PDGFC: variants seen among roughly 807,000 people sequenced by gnomAD.
PDGFC encodes platelet-derived growth factor C.
Under a neutral mutation model 35.5 loss-of-function variants are expected in PDGFC, and 12 were observed. The observed-to-expected ratio is 0.34, with a 90% CI of 0.22 to 0.55. The LOEUF (loss-of-function observed/expected upper bound fraction) is 0.55, where lower values mean the gene tolerates loss of function less well. Among genes scored for constraint, PDGFC ranks in the 20% least tolerant of loss-of-function variants. The pLI, the probability that PDGFC is intolerant of heterozygous loss-of-function variation, is 0.91. For missense variants in PDGFC, 322 were observed against 412.4 expected (o/e 0.78, Z 1.90); for synonymous variants, 159 against 148.8 (o/e 1.07, Z -0.50).
At chr4:156,952,790 A>T (rs1732115114) in intron 1 of PDGFC, among the ~76,000 whole-genome samples, 1 of 151,884 alleles carries the variant, frequency 6.6e-6, no homozygotes, top group South Asian at 2.1e-4. Context: ...CACCCTAAGT[A>T]ATCTGTTTTT....
At chr4:156,880,172 G>A (rs1730208792) in intron 1 of PDGFC, among the ~76,000 whole-genome samples, 1 of 152,148 alleles carries the variant, frequency 6.6e-6, no homozygotes, top group African/African-American at 2.4e-5. Context: ...GGAAGAAGGT[G>A]TCATCTAGAA....
intron 3 of PDGFC, among the ~76,000 whole-genome samples, chr4:156,796,000 G>C (rs545297033): frequency 6.6e-6 from 1 of 152,112 alleles, no homozygotes; most frequent in Non-Finnish European, 1.5e-5. Flanking sequence ...TGTTTCACAC[G>C]TTTACTCTGA....
intron 4 of PDGFC, among the ~76,000 whole-genome samples, chr4:156,769,979 A>C (rs1346702781): frequency 6.6e-6 from 1 of 152,130 alleles, no homozygotes; most frequent in South Asian, 2.1e-4. Context: ...CAGCTCTCAA[A>C]GCATATTCAC....
chr4:156,841,611 A>G (rs1729207642), intron 2 of PDGFC, among the ~76,000 whole-genome samples: 1 of 151,722 alleles, frequency 6.6e-6, no homozygotes, highest in South Asian at 2.1e-4. Flanking sequence ...GGTTCAAGCA[A>G]TTCTCCCACT....
At chr4:156,867,245 T>A (rs939146669) in intron 1 of PDGFC, among the ~76,000 whole-genome samples, 4 of 152,144 alleles carry the variant, frequency 2.6e-5, no homozygotes, top group Admixed American at 1.3e-4. Flanking sequence ...AAATATGCAG[T>A]CAACAATCAA....
intron 2 of PDGFC, among the ~76,000 whole-genome samples, chr4:156,821,680 C>T (rs961542699): frequency 3.9e-5 from 6 of 152,078 alleles, no homozygotes; most frequent in African/African-American, 1.2e-4. Context: ...CTGGCGTAGC[C>T]GGGATTACAG....
At chr4:156,832,607 G>A (rs979451646) in intron 2 of PDGFC, among the ~76,000 whole-genome samples, 7 of 152,078 alleles carry the variant, frequency 4.6e-5, no homozygotes, top group Non-Finnish European at 5.9e-5. Flanking sequence ...TACCACATTC[G>A]AAACCATCAA....
At chr4:156,892,141 AT>A in intron 1 of PDGFC, among the ~76,000 whole-genome samples, 2 of 152,316 alleles carry the variant, frequency 1.3e-5, no homozygotes, top group African/African-American at 4.8e-5. Flanking sequence ...AAAATACCTA[AT>A]TTTTATAAAA....
rs1731088130 is a variant in PDGFC, at chr4:156,785,126, T to C, written c.496-12233A>G. Among the ~76,000 whole-genome samples, 6 of 152,342 alleles carry C rather than the reference T, an allele frequency of 3.9e-5. No homozygotes were observed. In the South Asian group the frequency reaches 1.0e-3, roughly 26 times the overall value. On this transcript the variant is annotated intron_variant, in intron 3 of 5. Coordinates refer to ENST00000502773, the MANE Select transcript of PDGFC (RefSeq NM_016205.3). ...ATATGATTGCCACTGTGATATAAAC[T>C]ATAAAGCAAACAGGATGATTCACAT...
At chr4:156,940,288 C>A (rs1269424517) in intron 1 of PDGFC, among the ~76,000 whole-genome samples, 1 of 151,908 alleles carries the variant, frequency 6.6e-6, no homozygotes, top group Non-Finnish European at 1.5e-5. Flanking sequence ...AGAGTTAAGC[C>A]AGTCTTTTCT....
At chr4:156,887,723 T>C (rs1730407974) in intron 1 of PDGFC, among the ~76,000 whole-genome samples, 1 of 152,152 alleles carries the variant, frequency 6.6e-6, no homozygotes, top group East Asian at 1.9e-4. Context: ...TTAAAAAATA[T>C]TTTATTGTCT....
intron 1 of PDGFC, among the ~76,000 whole-genome samples, chr4:156,943,295 A>G (rs1379045444): frequency 1.3e-5 from 2 of 152,114 alleles, no homozygotes; most frequent in Non-Finnish European, 2.9e-5. Context: ...TTTTACTGGT[A>G]TCAACCTTGA....
intron 1 of PDGFC, among the ~76,000 whole-genome samples, chr4:156,868,576 T>C (rs1729902756): frequency 6.6e-6 from 1 of 152,198 alleles, no homozygotes; most frequent in Non-Finnish European, 1.5e-5. Flanking sequence ...AAGCATACTA[T>C]CTTTTAGTAT....
rs537944122 is a variant in PDGFC, at chr4:156,851,803, C to A, written c.119-1387G>T. ...AAAATTAGCGGGGTGCAGGGGCGGG[C>A]GCCTGTAGTCCCTGCTACTCCGGAG... On this transcript the variant is annotated intron_variant, in intron 1 of 5. Transcript: ENST00000502773. Among the ~76,000 whole-genome samples, 5 of 151,448 alleles carry A rather than the reference C, an allele frequency of 3.3e-5. No homozygotes were observed. The South Asian group carries it at 1.0e-3, about 32-fold the overall frequency.
chr4:156,877,985 A>G (rs998876263), intron 1 of PDGFC, among the ~76,000 whole-genome samples: 11 of 152,152 alleles, frequency 7.2e-5, no homozygotes, highest in African/African-American at 1.7e-4. Context: ...TAATAAAGCA[A>G]TTAGACTAAT....
intron 1 of PDGFC, among the ~76,000 whole-genome samples, chr4:156,874,637 A>T (rs1019253798): frequency 4.6e-5 from 7 of 152,182 alleles, no homozygotes; most frequent in Non-Finnish European, 1.0e-4. Context: ...AAAGGAAAGA[A>T]GATGTTTAAC....
intron 1 of PDGFC, among the ~76,000 whole-genome samples, chr4:156,885,111 T>C (rs1432259239): frequency 2.0e-5 from 3 of 151,664 alleles, no homozygotes; most frequent in Non-Finnish European, 4.4e-5. Flanking sequence ...TAGGCAGAAA[T>C]AGAATATGGG....
chr4:156,927,395 C>T (rs1200790657), intron 1 of PDGFC, among the ~76,000 whole-genome samples: 2 of 152,234 alleles, frequency 1.3e-5, no homozygotes, highest in East Asian at 3.9e-4. Context: ...TTTTCTATTG[C>T]ATTGTCTGGC....
At chr4:156,811,243 C>T (rs896881023) in intron 2 of PDGFC, among the ~76,000 whole-genome samples, 4 of 151,990 alleles carry the variant, frequency 2.6e-5, no homozygotes, top group African/African-American at 4.8e-5. Context: ...TTTCTGTTTA[C>T]GAATTCCAAA....
Sources: gnomAD v4.1 joint callset for allele counts (sites outside exome capture counted in the v4.1 genomes callset) on GRCh38, gnomAD v4.1.1 for gene constraint, MANE v1.5 for transcripts, NCBI Gene and HGNC (gene_info 2026-07-23, HGNC 2026-07-21) for gene names.